The following ARHGAP12 variants were observed in gnomAD, a reference collection of about 807,000 sequenced individuals.
The protein encoded by ARHGAP12 is Rho GTPase activating protein 12, also known as rho GTPase-activating protein 12.
Under a neutral mutation model 108.6 loss-of-function variants are expected in ARHGAP12, and 64 were observed. That is an observed-to-expected ratio of 0.59 (90% CI 0.48 to 0.73). ARHGAP12 has a LOEUF of 0.73. Among genes scored for constraint, ARHGAP12 ranks in the 30% least tolerant of loss-of-function variants. The pLI is 0.00. For synonymous variants in ARHGAP12, 312 were observed against 337.2 expected (o/e 0.93, Z 0.82); for missense variants, 940 against 1,005.9 (o/e 0.93, Z 0.89).
At chr10:31,816,168 CGTGTGTGTGT>C (rs201754040) in intron 13 of ARHGAP12, among the ~76,000 whole-genome samples, 138 of 136,426 alleles carry the variant, frequency 1.0e-3, no homozygotes, top group Middle Eastern at 3.8e-3. Context: ...AAGAAAGAAA[CGTGTGTGTGT>C]GTGTGTGTGT....
intron 4 of ARHGAP12, among the ~76,000 whole-genome samples, chr10:31,856,116 T>C (rs942914127): frequency 6.6e-6 from 1 of 152,134 alleles, no homozygotes; most frequent in South Asian, 2.1e-4. Context: ...TATAGAAGAA[T>C]GGCAGGTAGG....
At chr10:31,899,702 C>T (rs1183013601) in intron 3 of ARHGAP12, among the ~76,000 whole-genome samples, 1 of 152,138 alleles carries the variant, frequency 6.6e-6, no homozygotes, top group Non-Finnish European at 1.5e-5. Flanking sequence ...AAAGACCTTA[C>T]ACCTTTCACA....
chr10:31,837,310 C>A (rs1391058356), intron 9 of ARHGAP12, among the ~76,000 whole-genome samples: 1 of 152,182 alleles, frequency 6.6e-6, no homozygotes, highest in East Asian at 1.9e-4. Flanking sequence ...CCAAAACCAC[C>A]AAAATAATGT....
chr10:31,856,048 A>G (rs1175000937), intron 4 of ARHGAP12, among the ~76,000 whole-genome samples: 1 of 152,192 alleles, frequency 6.6e-6, no homozygotes, highest in Non-Finnish European at 1.5e-5. Context: ...TTTGGGATGT[A>G]TTCTGCAGCA....
chr10:31,827,810 C>CAA (rs930183686), intron 10 of ARHGAP12, among the ~76,000 whole-genome samples: 1 of 142,686 alleles, frequency 7.0e-6, no homozygotes, highest in Non-Finnish European at 1.5e-5. Flanking sequence ...AAAACAAAAA[C>CAA]AAAAAAAAAA....
intron 5 of ARHGAP12, 132 bp from the exon 6 acceptor site, chr10:31,852,729 CTTTTT>C (rs398013156): frequency 0.021 from 4,781 of 226,690 alleles, no homozygotes; most frequent in East Asian, 0.034. Context: ...ACAAAAAATT[CTTTTT>C]TTTTTTTTTT....
intron 3 of ARHGAP12, among the ~76,000 whole-genome samples, chr10:31,901,657 C>T (rs1285851753): frequency 1.3e-5 from 2 of 151,786 alleles, no homozygotes; most frequent in Non-Finnish European, 2.9e-5. Flanking sequence ...TACTATATTC[C>T]AGTACTATAA....
Position 31,854,049 on chromosome 10 carries a change from A to AG in ARHGAP12, c.1089+16dup. 6.3e-7 allele frequency: 1 copy of AG among 1,594,250 alleles called. No individual in the cohort carries two copies. Among genetic ancestry groups the AG allele is most frequent in the Non-Finnish European group, 8.5e-7 (1 of 1,173,002 alleles). ...GAATTCTGCCAAAAAACACTAGATG[A>AG]GAAAAAAAGAATGTACCTTTTCATT... On this transcript the variant is annotated intron_variant, in intron 5 of 19. Transcript: ENST00000344936.
chr10:31,918,466 G>A (rs1839657554), intron 1 of ARHGAP12, among the ~76,000 whole-genome samples: 2 of 152,032 alleles, frequency 1.3e-5, no homozygotes, highest in Non-Finnish European at 2.9e-5. Context: ...AATTTGGGAG[G>A]CCGAGGCAGG....
intron 3 of ARHGAP12, among the ~76,000 whole-genome samples, chr10:31,884,298 T>C (rs1838109948): frequency 6.6e-6 from 1 of 151,940 alleles, no homozygotes; most frequent in Non-Finnish European, 1.5e-5. Flanking sequence ...CATATGTTTT[T>C]ATGAAAAAGT....
chr10:31,904,619 C>T (rs72773115), intron 3 of ARHGAP12, among the ~76,000 whole-genome samples: 211 of 152,166 alleles, frequency 1.4e-3, no homozygotes, highest in Non-Finnish European at 2.3e-3. Context: ...GTACAAGAGA[C>T]CTGTCCAAAT....
chr10:31,805,912 AGTAGTTTG>A lies in ARHGAP12; in HGVS notation c.*1738_*1745del, dbSNP rs1834809515. ...CCGAAACAATCTGCTTTAGCTATCA[AGTAGTTTG>A]GTTTGTTATCAATTTAACACGCTCA... On this transcript the variant is annotated 3_prime_UTR_variant, in exon 20 of 20. Coordinates refer to ENST00000344936, the MANE Select transcript of ARHGAP12 (RefSeq NM_018287.7). The A allele has an allele frequency of 2.0e-5, 3 of 152,186 alleles. No individual in the cohort carries two copies. The highest frequency in any genetic ancestry group is 4.4e-5 in the Non-Finnish European group (3 of 68,022). The allele number at this position is 152,186 out of a possible 1,614,324, so 9.4% of individuals were successfully genotyped here.
At chr10:31,876,560 A>AAC (rs1554783612) in intron 3 of ARHGAP12, among the ~76,000 whole-genome samples, 2 of 151,212 alleles carry the variant, frequency 1.3e-5, no homozygotes, top group South Asian at 2.1e-4. Context: ...AAAAAAAAAA[A>AAC]CCCACTAATA....
intron 4 of ARHGAP12, among the ~76,000 whole-genome samples, chr10:31,860,407 C>T (rs1837071092): frequency 6.6e-6 from 1 of 152,200 alleles, no homozygotes; most frequent in Admixed American, 6.5e-5. Flanking sequence ...TACCAAGTTA[C>T]TCCTGTACGT....
intron 12 of ARHGAP12, among the ~76,000 whole-genome samples, chr10:31,819,300 C>T (rs976949590): frequency 6.6e-6 from 1 of 152,108 alleles, no homozygotes; most frequent in African/African-American, 2.4e-5. Context: ...AAAACCTGGG[C>T]TCCACTTGGA....
chr10:31,899,980 G>A, intron 3 of ARHGAP12, among the ~76,000 whole-genome samples: 1 of 152,062 alleles, frequency 6.6e-6, no homozygotes, highest in Middle Eastern at 3.2e-3. Context: ...TCTGATTAAA[G>A]AATTTACATT....
intron 12 of ARHGAP12, among the ~76,000 whole-genome samples, chr10:31,818,961 C>G (rs1270823325): frequency 1.3e-5 from 2 of 151,972 alleles, no homozygotes; most frequent in Non-Finnish European, 2.9e-5. Flanking sequence ...GTTGGTCAAG[C>G]CAGTTTACCA....
intron 3 of ARHGAP12, among the ~76,000 whole-genome samples, chr10:31,894,417 A>G (rs1442565395): frequency 6.6e-6 from 1 of 152,142 alleles, no homozygotes; most frequent in Non-Finnish European, 1.5e-5. Flanking sequence ...ATACAAAATC[A>G]ATGTGCAAAA....
Position 31,852,499 on chromosome 10 carries a change from G to T in ARHGAP12, c.1170+18C>A. The T allele has an allele frequency of 6.4e-7, 1 of 1,553,676 alleles. No individual in the cohort carries two copies. The highest frequency in any genetic ancestry group is 8.9e-7 in the Non-Finnish European group (1 of 1,126,106). On this transcript the variant is annotated intron_variant, in intron 6 of 19. Coordinates refer to ENST00000344936, the MANE Select transcript of ARHGAP12 (RefSeq NM_018287.7). ...ATCTACTATTTTTAAATAGAAATTCGGTGTCAAGGTTTATTACCTTTGGCA... is the reference window on the plus strand; with the variant it reads ...ATCTACTATTTTTAAATAGAAATTCTGTGTCAAGGTTTATTACCTTTGGCA...
Sources: gnomAD v4.1 joint callset for allele counts (sites outside exome capture counted in the v4.1 genomes callset) on GRCh38, gnomAD v4.1.1 for gene constraint, MANE v1.5 for transcripts, NCBI Gene and HGNC (gene_info 2026-07-23, HGNC 2026-07-21) for gene names.